Variants in KCNG2 observed in about 807,000 individuals in gnomAD.
The protein encoded by KCNG2 is potassium voltage-gated channel modifier subfamily G member 2, also known as voltage-gated potassium channel regulatory subunit KCNG2.
KCNG2 carries 7 observed loss-of-function variants against 12.3 expected under a neutral mutation model. The ratio of observed to expected loss-of-function variants is 0.57; its 90% confidence interval spans 0.32 to 1.07. The LOEUF is 1.07. Among genes scored for constraint, KCNG2 ranks in the 50% least tolerant of loss-of-function variants. KCNG2 has a pLI of 0.04. For synonymous variants in KCNG2, 414 were observed against 351.4 expected, an observed-to-expected ratio of 1.18 and a Z score of -1.99; for missense variants, 703 against 726.0, an observed-to-expected ratio of 0.97 and a Z score of 0.36.
At chr18:79,856,189 A>G (rs1313649146) in intron 1 of KCNG2, among the ~76,000 whole-genome samples, 190 bp from the exon 2 acceptor site, 1 of 152,250 alleles carries the variant, frequency 6.6e-6, no homozygotes, top group African/African-American at 2.4e-5. Context: ...TTTAATAATT[A>G]TTCATCCCTG....
intron 1 of KCNG2, among the ~76,000 whole-genome samples, chr18:79,826,355 C>T (rs952586888): frequency 6.6e-6 from 1 of 152,262 alleles, no homozygotes. Flanking sequence ...TCAGGTACGG[C>T]GCCCGTTCTG....
Position 79,871,441 on chromosome 18 carries a change from C to G in KCNG2, c.624+7150C>G, listed in dbSNP as rs549341844. On this transcript the variant is annotated intron_variant, in intron 3 of 3. Transcript: ENST00000316249. ...CAGGTTCTGCGTTCAGAGCTGATTT[C>G]TTCAGAAAGAGCAGGCAGTGGGGCT... Among the ~76,000 whole-genome samples the G allele has an allele frequency of 1.4e-4, 22 of 152,322 alleles. No homozygotes were observed. In the Middle Eastern group the frequency reaches 0.01, roughly 71 times the overall value.
At chr18:79,879,805 A>AT (rs1476739219) in intron 3 of KCNG2, among the ~76,000 whole-genome samples, 5 of 152,204 alleles carry the variant, frequency 3.3e-5, no homozygotes, top group African/African-American at 4.8e-5. Flanking sequence ...AAGGCGTCTC[A>AT]TCCTGAAACT....
At position 79,800,508 on chromosome 18, in the gene KCNG2, C is replaced by T. The variant is rs2087400395; in HGVS notation, c.-115+2494C>T. ...TTAAGACCCCCTTCCTCAGATGAGG[C>T]TTGGGAGGCAGGATCTCGGCCCCCT... On this transcript the variant is annotated intron_variant, in intron 1 of 3. Coordinates refer to ENST00000316249, the MANE Select transcript of KCNG2 (RefSeq NM_012283.2). The surrounding 1 kb of genome is among the most constrained non-coding windows in gnomAD (Gnocchi z 4.0). Among the ~76,000 whole-genome samples the T allele has an allele frequency of 2.6e-5, 4 of 152,176 alleles. No homozygotes were observed. The highest frequency in any genetic ancestry group is 4.4e-5 in the Non-Finnish European group (3 of 68,030).
intron 1 of KCNG2, among the ~76,000 whole-genome samples, chr18:79,801,957 G>A (rs944550658): frequency 6.6e-6 from 1 of 152,184 alleles, no homozygotes; most frequent in African/African-American, 2.4e-5. Flanking sequence ...GGACCCCTTC[G>A]CCAGGGGTCC....
At chr18:79,880,107 T>G (rs1980236225) in intron 3 of KCNG2, among the ~76,000 whole-genome samples, 1 of 152,166 alleles carries the variant, frequency 6.6e-6, no homozygotes, top group Admixed American at 6.5e-5. Flanking sequence ...GAAAAGAGGT[T>G]ACAGTTATGG....
chr18:79,832,657 G>T (rs1162919597), intron 1 of KCNG2, among the ~76,000 whole-genome samples: 1 of 151,914 alleles, frequency 6.6e-6, no homozygotes, highest in Non-Finnish European at 1.5e-5. Context: ...CAGATCATTC[G>T]CCCTGATTTC....
At chr18:79,798,280 G>GA (rs577937042) in intron 1 of KCNG2, among the ~76,000 whole-genome samples, 5,654 of 151,820 alleles carry the variant, frequency 0.037, 157 homozygotes, top group East Asian at 0.087. Flanking sequence ...TCCGGGAGTC[G>GA]AGGGGGGCGT....
chr18:79,830,854 A>C (rs1301573385), intron 1 of KCNG2, among the ~76,000 whole-genome samples: 1 of 136,116 alleles, frequency 7.3e-6, no homozygotes, highest in Non-Finnish European at 1.6e-5. Flanking sequence ...CTGCGGACAG[A>C]GCCTTCGTCA....
At chr18:79,825,881 T>C (rs796888321) in intron 1 of KCNG2, among the ~76,000 whole-genome samples, 1 of 152,366 alleles carries the variant, frequency 6.6e-6, no homozygotes, top group African/African-American at 2.4e-5. Context: ...GTGGCCTTCC[T>C]TCCGGAAGTT....
chr18:79,825,807 T>C (rs539656988), intron 1 of KCNG2, among the ~76,000 whole-genome samples: 1 of 152,286 alleles, frequency 6.6e-6, no homozygotes, highest in Non-Finnish European at 1.5e-5. Flanking sequence ...TGGGGGAAAA[T>C]ACAGAAGGAC....
rs1200390199 is a variant in KCNG2, at chr18:79,803,675, T to G, written c.-115+5661T>G. On this transcript the variant is annotated intron_variant, in intron 1 of 3. Transcript: ENST00000316249. The surrounding 1 kb of genome is among the most constrained non-coding windows in gnomAD (Gnocchi z 4.5). ...CTGCTGGGCTGACGGAGGAGGCGTTTTCTCCCATCCCGCCCCAGCAGGGAG... is the reference window on the plus strand; with the variant it reads ...CTGCTGGGCTGACGGAGGAGGCGTTGTCTCCCATCCCGCCCCAGCAGGGAG... Among the ~76,000 whole-genome samples, 1 of 152,172 alleles carries G rather than the reference T, an allele frequency of 6.6e-6. No homozygotes were observed. The highest frequency in any genetic ancestry group is 1.5e-5 in the Non-Finnish European group (1 of 68,026).
intron 2 of KCNG2, among the ~76,000 whole-genome samples, chr18:79,859,106 G>A (rs1486639813): frequency 1.3e-5 from 2 of 151,992 alleles, no homozygotes; most frequent in South Asian, 2.1e-4. Flanking sequence ...TTTGTTGCTT[G>A]TGCTTTTGGC....
chr18:79,892,113 TAA>T (rs35997999), intron 3 of KCNG2, among the ~76,000 whole-genome samples: 13 of 123,638 alleles, frequency 1.1e-4, no homozygotes, highest in East Asian at 9.1e-4. Context: ...AGACTCCGTC[TAA>T]AAAAAAAAAA....
chr18:79,869,124 C>T (rs754249907), intron 3 of KCNG2, among the ~76,000 whole-genome samples: 3 of 152,142 alleles, frequency 2.0e-5, no homozygotes, highest in Non-Finnish European at 4.4e-5. Context: ...AGACCCCGAG[C>T]CAGAGTCCAG....
At chr18:79,889,505 C>A (rs1980672381) in intron 3 of KCNG2, among the ~76,000 whole-genome samples, 1 of 152,138 alleles carries the variant, frequency 6.6e-6, no homozygotes, top group Non-Finnish European at 1.5e-5. Context: ...TGATGCATTT[C>A]TTCCTTTTGA....
rs112879594 is a variant in KCNG2 at position 79,858,873 on chromosome 18, G to A, written c.-41+2421G>A. Among the ~76,000 whole-genome samples the A allele has an allele frequency of 3.1e-3, 477 of 152,166 alleles. 2 individuals carry two copies. The highest frequency in any genetic ancestry group is 9.8e-3 in the African/African-American group (405 of 41,500). ...TTATTAGCCATTCACATACTTCCTC[G>A]GGAGAAATATCTATTCAGATCCTCT... On this transcript the variant is annotated intron_variant, in intron 2 of 3. Coordinates refer to ENST00000316249, the MANE Select transcript of KCNG2 (RefSeq NM_012283.2).
At position 79,884,413 on chromosome 18, in the gene KCNG2, T is replaced by A. The variant is rs1324137299; in HGVS notation, c.625-14627T>A. On this transcript the variant is annotated intron_variant, in intron 3 of 3. Transcript: ENST00000316249. This position sits in a 1 kb window ranked among gnomAD's most constrained non-coding sequence, Gnocchi z 5.5. ...TCCCGTCCTCCGGTGAGGGCGCCTCTGCTCAACCCCGGCCTGGCAGGGACT... is the reference window on the plus strand; with the variant it reads ...TCCCGTCCTCCGGTGAGGGCGCCTCAGCTCAACCCCGGCCTGGCAGGGACT... Among the ~76,000 whole-genome samples the A allele has an allele frequency of 6.6e-6, 1 of 152,218 alleles. No homozygotes were observed. Among genetic ancestry groups the A allele is most frequent in the Admixed American group, 6.5e-5 (1 of 15,286 alleles).
At position 79,884,570 on chromosome 18, in the gene KCNG2, C is replaced by T. The variant is rs562388075; in HGVS notation, c.625-14470C>T. On this transcript the variant is annotated intron_variant, in intron 3 of 3. Transcript: ENST00000316249. The surrounding 1 kb of genome is among the most constrained non-coding windows in gnomAD (Gnocchi z 5.5). ...GGTCTGGGCCTGGGCCTGGGCGTGGCAGCTCCCCAGGCCCACGGGGCAGGA... is the reference window on the plus strand; with the variant it reads ...GGTCTGGGCCTGGGCCTGGGCGTGGTAGCTCCCCAGGCCCACGGGGCAGGA... 6.6e-6 allele frequency among the ~76,000 whole-genome samples: 1 copy of T among 152,328 alleles called. No individual in the cohort carries two copies. The highest frequency in any genetic ancestry group is 1.9e-4 in the East Asian group (1 of 5,180).
Sources: gnomAD v4.1 joint callset for allele counts (sites outside exome capture counted in the v4.1 genomes callset) on GRCh38, gnomAD v4.1.1 for gene constraint, Gnocchi (gnomAD v3.1) non-coding constraint, MANE v1.5 for transcripts, NCBI Gene and HGNC (gene_info 2026-07-23, HGNC 2026-07-21) for gene names.